GPR137B: variants seen among roughly 807,000 people sequenced by gnomAD.
The protein encoded by GPR137B is integral membrane protein GPR137B.
Under a neutral mutation model 42.5 loss-of-function variants are expected in GPR137B, and 42 were observed. The ratio of observed to expected loss-of-function variants is 0.99; its 90% confidence interval spans 0.77 to 1.28. The LOEUF is 1.28. Ranked by LOEUF, GPR137B falls within the 50% of genes most tolerant of loss-of-function variation. The probability of loss-of-function intolerance (pLI) is 0.00; values close to 1 mark genes in which losing one functional copy is unlikely to be tolerated. For synonymous variants in GPR137B, 218 were observed against 209.7 expected, an observed-to-expected ratio of 1.04 and a Z score of -0.34; for missense variants, 487 against 493.9, an observed-to-expected ratio of 0.99 and a Z score of 0.13.
intron 2 of GPR137B, among the ~76,000 whole-genome samples, chr1:236,173,714 A>G (rs954467041): frequency 2.6e-5 from 4 of 152,048 alleles, no homozygotes; most frequent in Admixed American, 1.3e-4. Flanking sequence ...TCCTGGCCCT[A>G]TGGTTTAGGT....
At position 236,183,766 on chromosome 1, in the gene GPR137B, T is replaced by G. The variant is rs757623584; in HGVS notation, c.838-12T>G. On this transcript the variant is annotated splice_polypyrimidine_tract_variant and intron_variant, in intron 4 of 6. Transcript: ENST00000366592. Reference sequence around the variant, plus strand: ...CCTTGGTCTGATGACTCTCCCTGTCTGTTTCTAACAGGCAGATTTGAAGAA... The same window carrying G: ...CCTTGGTCTGATGACTCTCCCTGTCGGTTTCTAACAGGCAGATTTGAAGAA... The G allele has an allele frequency of 1.3e-6, 2 of 1,596,600 alleles. No individual in the cohort carries two copies. The highest frequency in any genetic ancestry group is 1.7e-6 in the Non-Finnish European group (2 of 1,166,622).
rs906240248 is a variant in GPR137B at position 236,155,182 on chromosome 1, G to A, written c.414+12146G>A. Among the ~76,000 whole-genome samples, 4 of 152,252 alleles carry A rather than the reference G, an allele frequency of 2.6e-5. No individual in the cohort carries two copies. Among genetic ancestry groups the A allele is most frequent in the African/African-American group, 9.6e-5 (4 of 41,470 alleles). ...GCGGGCAGGTCCGTGCGCTTCTGTG[G>A]CTGAAGCGGCCGGGCCGCAGCTATT... On this transcript the variant is annotated intron_variant, in intron 1 of 6. Transcript: ENST00000366592. The surrounding 1 kb of genome is among the most constrained non-coding windows in gnomAD (Gnocchi z 4.6).
chr1:236,196,391 C>T (rs546962765), intron 5 of GPR137B, among the ~76,000 whole-genome samples: 3 of 152,308 alleles, frequency 2.0e-5, no homozygotes, highest in Admixed American at 6.5e-5. Flanking sequence ...CCACCTGCCT[C>T]AGCCTCCCAA....
intron 5 of GPR137B, among the ~76,000 whole-genome samples, chr1:236,202,405 C>G (rs1203994887): frequency 6.6e-6 from 1 of 151,976 alleles, no homozygotes; most frequent in African/African-American, 2.4e-5. Flanking sequence ...CAAGAGAGCA[C>G]CAGAGTTTTT....
intron 2 of GPR137B, among the ~76,000 whole-genome samples, chr1:236,174,008 A>T (rs1662617993): frequency 6.6e-6 from 1 of 152,192 alleles, no homozygotes; most frequent in African/African-American, 2.4e-5. Flanking sequence ...AGTCCACTGA[A>T]CTTTCCCTCC....
intron 1 of GPR137B, among the ~76,000 whole-genome samples, chr1:236,160,236 C>T (rs906337409): frequency 3.9e-5 from 6 of 152,140 alleles, no homozygotes; most frequent in African/African-American, 7.2e-5. Context: ...CTTGCCACAA[C>T]GGGGGAAGCC....
chr1:236,181,611 A>G (rs921420915), intron 4 of GPR137B, among the ~76,000 whole-genome samples: 1 of 152,240 alleles, frequency 6.6e-6, no homozygotes, highest in Non-Finnish European at 1.5e-5. Context: ...CTGGATTTAG[A>G]CAGTGGAAGA....
chr1:236,194,457 C>T (rs956433118), intron 5 of GPR137B, among the ~76,000 whole-genome samples: 4 of 152,166 alleles, frequency 2.6e-5, no homozygotes, highest in Middle Eastern at 3.2e-3. Context: ...GTTAGTTCCA[C>T]TTTGCTCCTT....
Position 236,183,707 on chromosome 1 carries a change from A to G in GPR137B, c.838-71A>G, listed in dbSNP as rs560544009. On this transcript the variant is annotated intron_variant, in intron 4 of 6. Coordinates refer to ENST00000366592, the MANE Select transcript of GPR137B (RefSeq NM_003272.4). ...AGTATTAGAATTATTCTCTGTTCAC[A>G]TTAGAAAGAAACAATCAAATTTATT... The G allele has an allele frequency of 1.4e-5, 16 of 1,131,758 alleles. No homozygotes were observed. The African/African-American group carries it at 2.1e-4, about 15-fold the overall frequency. The allele number at this position is 1,131,758 out of a possible 1,614,324, so 70.1% of individuals were successfully genotyped here.
intron 1 of GPR137B, among the ~76,000 whole-genome samples, chr1:236,158,690 G>A (rs554714251): frequency 7.2e-5 from 11 of 152,276 alleles, no homozygotes; most frequent in African/African-American, 2.4e-4. Context: ...CAGTTACTGC[G>A]AGGGTCTCCT....
intron 1 of GPR137B, among the ~76,000 whole-genome samples, chr1:236,157,472 C>G (rs1352570437): frequency 6.6e-6 from 1 of 152,150 alleles, no homozygotes; most frequent in Non-Finnish European, 1.5e-5. Flanking sequence ...ATCCGCCTCC[C>G]CCACCTCCCA....
intron 1 of GPR137B, among the ~76,000 whole-genome samples, chr1:236,165,653 ACT>A (rs1662329107): frequency 6.6e-6 from 1 of 151,976 alleles, no homozygotes; most frequent in Admixed American, 6.6e-5. Flanking sequence ...TGCTTCCCAA[ACT>A]CTATTCCCGG....
chr1:236,170,039 CAAAAA>C (rs11346365), intron 2 of GPR137B, among the ~76,000 whole-genome samples: 9 of 36,858 alleles, frequency 2.4e-4, no homozygotes, highest in South Asian at 9.2e-4. Context: ...GAATCCATCT[CAAAAA>C]AAAAAAAAAA....
At chr1:236,167,430 C>T (rs770364172) in intron 1 of GPR137B, among the ~76,000 whole-genome samples, 2 of 152,142 alleles carry the variant, frequency 1.3e-5, no homozygotes, top group East Asian at 3.9e-4. Context: ...AAATAGATCC[C>T]GCTTATATGT....
At chr1:236,169,633 T>C (rs1327930425) in intron 2 of GPR137B, among the ~76,000 whole-genome samples, 1 of 152,016 alleles carries the variant, frequency 6.6e-6, no homozygotes, top group African/African-American at 2.4e-5. Flanking sequence ...GAAGGGAACC[T>C]CTTAAGTTAT....
In GPR137B at chr1:236,208,498, G is replaced by T; in HGVS notation, c.*340G>T. On this transcript the variant is annotated 3_prime_UTR_variant, in exon 7 of 7. Coordinates refer to ENST00000366592, the MANE Select transcript of GPR137B (RefSeq NM_003272.4). ...TGTTACTGCAATCATGTTGTAGTTT[G>T]CACAGACTTTTATGCATAATTCACT... is the stretch of plus-strand genomic sequence containing the variant. The T allele has an allele frequency of 1.1e-6, 1 of 937,014 alleles. No individual in the cohort carries two copies. The highest frequency in any genetic ancestry group is 4.8e-5 in the South Asian group (1 of 20,896). 58.0% of individuals were successfully genotyped at this position (937,014 alleles called of 1,614,324 possible).
chr1:236,194,553 C>CTT (rs1663285359), intron 5 of GPR137B, among the ~76,000 whole-genome samples: 1 of 152,182 alleles, frequency 6.6e-6, no homozygotes, highest in Non-Finnish European at 1.5e-5. Context: ...GTTCTATTAA[C>CTT]TTTTAAATAG....
rs1360203333 is a variant in GPR137B at position 236,202,592 on chromosome 1, CACCA to C, written c.967-2533_967-2530del. 7.8e-4 allele frequency among the ~76,000 whole-genome samples: 119 copies of C among 152,152 alleles called. 1 individual carries two copies. The highest frequency in any genetic ancestry group is 2.7e-3 in the African/African-American group (112 of 41,398). ...CTGCATGTAAGCCCTATCTCCTATC[CACCA>C]TCTTCCCCTCAAAGTATTTATATGT... On this transcript the variant is annotated intron_variant, in intron 5 of 6. Transcript: ENST00000366592.
chr1:236,167,097 GTCT>G (rs919399530), intron 1 of GPR137B, among the ~76,000 whole-genome samples: 12 of 152,188 alleles, frequency 7.9e-5, no homozygotes, highest in African/African-American at 2.9e-4. Flanking sequence ...GGGAATGTGA[GTCT>G]TCTTTCCCCG....
Sources: gnomAD v4.1 joint callset for allele counts (sites outside exome capture counted in the v4.1 genomes callset) on GRCh38, gnomAD v4.1.1 for gene constraint, Gnocchi (gnomAD v3.1) non-coding constraint, MANE v1.5 for transcripts, NCBI Gene and HGNC (gene_info 2026-07-23, HGNC 2026-07-21) for gene names.